CHRM3: variants seen among roughly 807,000 people sequenced by gnomAD.
The protein encoded by CHRM3 is muscarinic acetylcholine receptor M3.
Under a neutral mutation model 41.8 loss-of-function variants are expected in CHRM3, and 11 were observed. The ratio of observed to expected loss-of-function variants is 0.26; its 90% CI spans 0.17 to 0.44. The LOEUF is 0.44. Among genes scored for constraint, CHRM3 ranks in the 20% least tolerant of loss-of-function variants. The pLI, the probability that CHRM3 is intolerant of heterozygous loss-of-function variation, is 1.00. For synonymous variants in CHRM3, 297 were observed against 301.4 expected, an observed-to-expected ratio of 0.99 and a Z score of 0.15; for missense variants, 571 against 745.4, an observed-to-expected ratio of 0.77 and a Z score of 2.72.
chr1:239,858,521 G>GGA (rs376347912), intron 6 of CHRM3, among the ~76,000 whole-genome samples: 6 of 143,732 alleles, frequency 4.2e-5, no homozygotes, highest in East Asian at 2.0e-4. Flanking sequence ...TTTTCATTTG[G>GGA]AAAAAAAAAA....
intron 5 of CHRM3, among the ~76,000 whole-genome samples, chr1:239,710,669 A>G (rs1464741720): frequency 6.6e-6 from 1 of 152,144 alleles, no homozygotes; most frequent in Non-Finnish European, 1.5e-5. Context: ...TAGTAACTAT[A>G]TTGAATGCCA....
chr1:239,756,786 G>T (rs55732819), intron 5 of CHRM3, among the ~76,000 whole-genome samples: 180 of 152,210 alleles, frequency 1.2e-3, no homozygotes, highest in Non-Finnish European at 2.2e-3. Context: ...ACTTTTCTCA[G>T]TGCTGCCTCT....
At chr1:239,580,639 C>T (rs931712897) in intron 3 of CHRM3, among the ~76,000 whole-genome samples, 7 of 140,504 alleles carry the variant, frequency 5.0e-5, no homozygotes, top group Non-Finnish European at 1.1e-4. Context: ...AGTGCTTGCT[C>T]TCATTTGTAT....
At chr1:239,873,133 C>T (rs1250046821) in intron 6 of CHRM3, among the ~76,000 whole-genome samples, 1 of 152,080 alleles carries the variant, frequency 6.6e-6, no homozygotes, top group Non-Finnish European at 1.5e-5. Context: ...TGAACACACC[C>T]AGGGCATTTA....
chr1:239,826,818 C>T (rs946971517), intron 5 of CHRM3: 1 of 152,158 alleles, frequency 6.6e-6, no homozygotes, highest in East Asian at 1.9e-4. Flanking sequence ...GAGGAAAAGA[C>T]ATGAACCAAT....
chr1:239,475,429 C>T (rs1269383813), intron 1 of CHRM3, among the ~76,000 whole-genome samples: 1 of 152,072 alleles, frequency 6.6e-6, no homozygotes, highest in African/African-American at 2.4e-5. Flanking sequence ...AAACTTCAGA[C>T]AAATTCCAAT....
At chr1:239,681,581 T>A (rs1205306305) in intron 5 of CHRM3, among the ~76,000 whole-genome samples, 1 of 152,144 alleles carries the variant, frequency 6.6e-6, no homozygotes, top group African/African-American at 2.4e-5. Flanking sequence ...GACATTCAAG[T>A]AACTGAGACC....
chr1:239,461,507 G>A (rs1015612317), intron 1 of CHRM3, among the ~76,000 whole-genome samples: 1 of 151,848 alleles, frequency 6.6e-6, no homozygotes, highest in Non-Finnish European at 1.5e-5. Flanking sequence ...TTTCCTTTAT[G>A]GCTCCTTTAC....
chr1:239,784,023 C>T (rs965600876), intron 5 of CHRM3, among the ~76,000 whole-genome samples: 1 of 152,206 alleles, frequency 6.6e-6, no homozygotes, highest in Admixed American at 6.5e-5. Flanking sequence ...ATCCATGTTG[C>T]TGCAAAGGAC....
chr1:239,434,310 T>C (rs1007921378), intron 1 of CHRM3, among the ~76,000 whole-genome samples: 10 of 152,234 alleles, frequency 6.6e-5, no homozygotes, highest in African/African-American at 2.2e-4. Flanking sequence ...TGTCTTTACA[T>C]GTCCTGTTTC....
chr1:239,545,219 A>G (rs1471229381), intron 2 of CHRM3, among the ~76,000 whole-genome samples: 2 of 152,168 alleles, frequency 1.3e-5, no homozygotes, highest in African/African-American at 4.8e-5. Flanking sequence ...GCTATACTTC[A>G]CATTGTGTGC....
At chr1:239,651,563 T>C (rs1378952121) in intron 4 of CHRM3, among the ~76,000 whole-genome samples, 1 of 152,140 alleles carries the variant, frequency 6.6e-6, no homozygotes, top group Admixed American at 6.5e-5. Flanking sequence ...CTTCTTCCCC[T>C]TCCCCAGGCC....
intron 6 of CHRM3, among the ~76,000 whole-genome samples, chr1:239,870,714 G>C (rs1460582346): frequency 6.6e-6 from 1 of 152,152 alleles, no homozygotes; most frequent in Non-Finnish European, 1.5e-5. Context: ...TGAGGCTCTC[G>C]TTAGCCACCT....
intron 3 of CHRM3, among the ~76,000 whole-genome samples, chr1:239,618,793 G>T (rs12129260): frequency 7.2e-6 from 1 of 139,038 alleles, no homozygotes; most frequent in South Asian, 2.4e-4. Flanking sequence ...GCAGTGAGCC[G>T]AGATCGCGCC....
chr1:239,641,709 C>G (rs1265539556), intron 4 of CHRM3, among the ~76,000 whole-genome samples: 16 of 144,714 alleles, frequency 1.1e-4, no homozygotes, highest in Admixed American at 4.9e-4. Flanking sequence ...TGGGTCTTGA[C>G]TCTTTATCCA....
intron 1 of CHRM3, among the ~76,000 whole-genome samples, chr1:239,435,879 G>T (rs1386761690): frequency 6.6e-6 from 1 of 152,060 alleles, no homozygotes; most frequent in Non-Finnish European, 1.5e-5. Context: ...ACATTTCTCT[G>T]CTCTGGGCCA....
intron 5 of CHRM3, among the ~76,000 whole-genome samples, chr1:239,734,827 G>A (rs1360089776): frequency 1.3e-5 from 2 of 152,182 alleles, no homozygotes; most frequent in Non-Finnish European, 1.5e-5. Flanking sequence ...GAGAGAAGTA[G>A]GTGGGAACTT....
intron 5 of CHRM3, among the ~76,000 whole-genome samples, chr1:239,791,746 C>T (rs751412449): frequency 2.0e-5 from 3 of 152,066 alleles, no homozygotes; most frequent in Non-Finnish European, 4.4e-5. Context: ...GGCACATAGG[C>T]ACAGACACTG....
chr1:239,661,322 TAAC>T (rs940186206), intron 4 of CHRM3, among the ~76,000 whole-genome samples: 4 of 152,208 alleles, frequency 2.6e-5, no homozygotes, highest in African/African-American at 9.6e-5. Flanking sequence ...AGCAAGCACT[TAAC>T]AACATATTTT....
Sources: gnomAD v4.1 joint callset for allele counts (sites outside exome capture counted in the v4.1 genomes callset) on GRCh38, gnomAD v4.1.1 for gene constraint, MANE v1.5 for transcripts, NCBI Gene and HGNC (gene_info 2026-07-23, HGNC 2026-07-21) for gene names.